Variants in TMEM120B observed in about 807,000 individuals in gnomAD.
TMEM120B encodes transmembrane protein 120B.
A neutral mutation model predicts 55.5 loss-of-function variants in TMEM120B; 31 were observed. The ratio of observed to expected loss-of-function variants is 0.56; its 90% CI spans 0.42 to 0.75. TMEM120B has a LOEUF of 0.75. Ranked by LOEUF, TMEM120B falls within the 30% of genes least tolerant of loss-of-function variation. The pLI, the probability that TMEM120B is intolerant of heterozygous loss-of-function variation, is 0.00. For synonymous variants in TMEM120B, 203 were observed against 176.3 expected, an observed-to-expected ratio of 1.15 and a Z score of -1.20; for missense variants, 399 against 425.5, an observed-to-expected ratio of 0.94 and a Z score of 0.55.
At chr12:121,769,753 C>A (rs1036333157) in intron 6 of TMEM120B, among the ~76,000 whole-genome samples, 9 of 149,726 alleles carry the variant, frequency 6.0e-5, no homozygotes, top group Non-Finnish European at 1.2e-4. Flanking sequence ...CATGCTTATT[C>A]AACACATTTA....
intron 1 of TMEM120B, among the ~76,000 whole-genome samples, chr12:121,726,585 A>T (rs948094075): frequency 2.2e-4 from 33 of 149,724 alleles, no homozygotes; most frequent in Admixed American, 1.1e-3. Context: ...TCTCAAAAAA[A>T]AAAATAAAAT....
chr12:121,776,794 T>C lies in TMEM120B; in HGVS notation c.*1072T>C, dbSNP rs1373282042. The C allele has an allele frequency of 6.8e-6, 1 of 146,110 alleles. No individual in the cohort carries two copies. Among genetic ancestry groups the C allele is most frequent in the East Asian group, 2.0e-4 (1 of 4,912 alleles). The allele number at this position is 146,110 out of a possible 1,614,324, so 9.1% of individuals were successfully genotyped here. ...CCCTCCTCAAGGAATTTTAAAATTT[T>C]TAATTACTTTTTTTTTTTTTGAGAC... On this transcript the variant is annotated 3_prime_UTR_variant, in exon 12 of 12. Transcript: ENST00000449592.
At chr12:121,727,536 CAAAAAAAAAAAAA>C (rs758470408) in intron 1 of TMEM120B, among the ~76,000 whole-genome samples, 3 of 35,864 alleles carry the variant, frequency 8.4e-5, no homozygotes, top group Non-Finnish European at 1.6e-4. Context: ...GACCCTGTCT[CAAAAAAAAAAAAA>C]AAAAAAAAAA....
chr12:121,768,803 T>C (rs959398093), intron 6 of TMEM120B, among the ~76,000 whole-genome samples: 2 of 151,974 alleles, frequency 1.3e-5, no homozygotes, highest in South Asian at 4.1e-4. Flanking sequence ...CTGCCCCTGA[T>C]GCTGGGGGTG....
At chr12:121,744,411 T>G (rs1873022709) in intron 2 of TMEM120B, among the ~76,000 whole-genome samples, 1 of 152,170 alleles carries the variant, frequency 6.6e-6, no homozygotes, top group African/African-American at 2.4e-5. Flanking sequence ...AGAAGATAAG[T>G]AGTTTCCCGG....
chr12:121,720,221 C>T (rs781687777), intron 1 of TMEM120B, among the ~76,000 whole-genome samples: 11 of 152,246 alleles, frequency 7.2e-5, no homozygotes, highest in East Asian at 5.8e-4. Flanking sequence ...GTGCCTCCCA[C>T]GCACAGACCC....
intron 6 of TMEM120B, among the ~76,000 whole-genome samples, chr12:121,762,708 G>A (rs1219014085): frequency 6.6e-6 from 1 of 152,158 alleles, no homozygotes. Context: ...TGGGTGGGTG[G>A]TCTTCTACGG....
intron 10 of TMEM120B, 79 bp downstream of exon 10, chr12:121,774,801 C>T (rs1874181775): frequency 3.3e-6 from 5 of 1,504,180 alleles, no homozygotes; most frequent in South Asian, 1.2e-5. Context: ...CCTTGCCCTC[C>T]TTCTCCATCC....
chr12:121,779,782 G>C lies in TMEM120B; in HGVS notation c.*4060G>C. 9.6e-7 allele frequency: 1 copy of C among 1,041,010 alleles called. No individual in the cohort carries two copies. The highest frequency in any genetic ancestry group is 1.4e-6 in the Non-Finnish European group (1 of 714,222). 64.5% of individuals were successfully genotyped at this position (1,041,010 alleles called of 1,614,324 possible). A position where few individuals can be genotyped will look rare whatever the true frequency, so the allele number is the denominator to read the frequency against. ...GGGATGGAGGCCTTGGTTTGGGCCTGTCTGTCTCCTCCATCCTGGCTGCCC... is the reference window on the plus strand; with the variant it reads ...GGGATGGAGGCCTTGGTTTGGGCCTCTCTGTCTCCTCCATCCTGGCTGCCC... On this transcript the variant is annotated 3_prime_UTR_variant, in exon 12 of 12. Transcript: ENST00000449592.
intron 1 of TMEM120B, among the ~76,000 whole-genome samples, chr12:121,743,151 G>A (rs1018191688): frequency 6.6e-6 from 1 of 152,154 alleles, no homozygotes; most frequent in Non-Finnish European, 1.5e-5. Flanking sequence ...CTGGAGTGGG[G>A]AGGGTGGCTT....
Position 121,712,785 on chromosome 12 carries a change from G to A in TMEM120B, c.-111G>A. ...GCGTGGCTCTGGCTGCGCAGGAACAGCTGGTGCCTCCGAGGGCGGTCGGCG... is the reference window on the plus strand; with the variant it reads ...GCGTGGCTCTGGCTGCGCAGGAACAACTGGTGCCTCCGAGGGCGGTCGGCG... On this transcript the variant is annotated 5_prime_UTR_variant, in exon 1 of 12. Coordinates refer to ENST00000449592, the MANE Select transcript of TMEM120B (RefSeq NM_001080825.2). 1.4e-6 allele frequency: 1 copy of A among 701,866 alleles called. No homozygotes were observed. The highest frequency in any genetic ancestry group is 2.0e-6 in the Non-Finnish European group (1 of 502,616). The allele number at this position is 701,866 out of a possible 1,614,324, so 43.5% of individuals were successfully genotyped here. A position where few individuals can be genotyped will look rare whatever the true frequency, so the allele number is the denominator to read the frequency against.
chr12:121,730,677 A>AT (rs1894983987), intron 1 of TMEM120B, among the ~76,000 whole-genome samples: 1 of 137,200 alleles, frequency 7.3e-6, no homozygotes, highest in Admixed American at 7.6e-5. Context: ...ACAAAAAAAA[A>AT]CCGGGCGCGG....
intron 6 of TMEM120B, among the ~76,000 whole-genome samples, chr12:121,765,875 A>G (rs1048626573): frequency 2.0e-5 from 3 of 152,084 alleles, no homozygotes; most frequent in Non-Finnish European, 4.4e-5. Flanking sequence ...ACCAGGGAGT[A>G]GCTCAGAAGC....
At chr12:121,726,907 C>CTAAAAA (rs1894905575) in intron 1 of TMEM120B, among the ~76,000 whole-genome samples, 1 of 73,716 alleles carries the variant, frequency 1.4e-5, no homozygotes, top group Non-Finnish European at 2.8e-5. Flanking sequence ...GACTCTGTCT[C>CTAAAAA]AAAAAAAAAA....
intron 4 of TMEM120B, 138 bp downstream of exon 4, chr12:121,750,577 C>G: frequency 1.5e-6 from 1 of 652,378 alleles, no homozygotes. Flanking sequence ...AACCCACACC[C>G]ACACTCCACA....
chr12:121,732,307 C>T lies in TMEM120B; in HGVS notation c.70-11322C>T, dbSNP rs1275172449. On this transcript the variant is annotated intron_variant, in intron 1 of 11. Coordinates refer to ENST00000449592, the MANE Select transcript of TMEM120B (RefSeq NM_001080825.2). ...CACTAAGGTCCTTGTTTGTGGCTCC[C>T]CTCACTCCATGTTGTCCTCCTCGTG... 8.5e-5 allele frequency among the ~76,000 whole-genome samples: 13 copies of T among 152,286 alleles called. No individual in the cohort carries two copies. The East Asian group carries it at 2.5e-3, about 29-fold the overall frequency.
At chr12:121,773,109 C>T (rs1175959752) in intron 8 of TMEM120B, among the ~76,000 whole-genome samples, 1 of 152,212 alleles carries the variant, frequency 6.6e-6, no homozygotes, top group Non-Finnish European at 1.5e-5. Context: ...ACTGGCATAG[C>T]TTGCATTCCA....
In TMEM120B at chr12:121,724,342, T is replaced by G. The variant is rs1192090771; in HGVS notation, c.69+11378T>G. Among the ~76,000 whole-genome samples the G allele has an allele frequency of 5.3e-5, 8 of 151,888 alleles. No individual in the cohort carries two copies. In the East Asian group the frequency reaches 1.5e-3, roughly 29 times the overall value. ...GAGCAACTGTGCCCAGCCAGATAAT[T>G]TTTATATTTTTGGTAGACACAGGGT... On this transcript the variant is annotated intron_variant, in intron 1 of 11. Transcript: ENST00000449592.
In TMEM120B at chr12:121,712,827, G is replaced by T. The variant is rs1894624367; in HGVS notation, c.-69G>T. ...CGGTCGGCGAGCGCGCGGGCGTGGG[G>T]CGCTGGGGGGCCGGTCGGGCAGCGC... is the stretch of plus-strand genomic sequence containing the variant. On this transcript the variant is annotated 5_prime_UTR_variant, in exon 1 of 12. Coordinates refer to ENST00000449592, the MANE Select transcript of TMEM120B (RefSeq NM_001080825.2). 7.3e-6 allele frequency: 9 copies of T among 1,230,266 alleles called. No homozygotes were observed. Among genetic ancestry groups the T allele is most frequent in the South Asian group, 2.4e-5 (1 of 42,476 alleles). 76.2% of individuals were successfully genotyped at this position (1,230,266 alleles called of 1,614,324 possible). A position where few individuals can be genotyped will look rare whatever the true frequency, so the allele number is the denominator to read the frequency against.
Sources: gnomAD v4.1 joint callset for allele counts (sites outside exome capture counted in the v4.1 genomes callset) on GRCh38, gnomAD v4.1.1 for gene constraint, MANE v1.5 for transcripts, NCBI Gene and HGNC (gene_info 2026-07-23, HGNC 2026-07-21) for gene names.